SLC8A1: variants seen among roughly 807,000 people sequenced by gnomAD.
SLC8A1 encodes the protein sodium/calcium exchanger 1.
In SLC8A1, 18 loss-of-function variants were observed where a neutral mutation model predicts 68.3. That is an observed-to-expected ratio of 0.26 (90% CI 0.18 to 0.39). SLC8A1 has a LOEUF of 0.39. SLC8A1 is among the 10% of genes least tolerant of loss of function. SLC8A1 has a pLI of 1.00. For missense variants in SLC8A1, 985 were observed against 1,156.7 expected, an observed-to-expected ratio of 0.85 and a Z score of 2.15; for synonymous variants, 475 against 415.5, an observed-to-expected ratio of 1.14 and a Z score of -1.74.
At chr2:40,352,980 C>T (rs116446732) in intron 2 of SLC8A1, among the ~76,000 whole-genome samples, 10 of 152,196 alleles carry the variant, frequency 6.6e-5, no homozygotes, top group African/African-American at 1.4e-4. Flanking sequence ...CTCTCACTTA[C>T]GGAAGGTCCA....
intron 2 of SLC8A1, among the ~76,000 whole-genome samples, chr2:40,403,605 G>A (rs978183778): frequency 5.9e-5 from 9 of 152,162 alleles, no homozygotes; most frequent in Non-Finnish European, 1.2e-4. Context: ...AAATATTCCA[G>A]GCAGCCTTGT....
chr2:40,224,455 T>C (rs1483169900), intron 2 of SLC8A1, among the ~76,000 whole-genome samples: 1 of 152,088 alleles, frequency 6.6e-6, no homozygotes, highest in Admixed American at 6.6e-5. Flanking sequence ...AACACAGACG[T>C]CATAGCTGGA....
chr2:40,103,725 A>G (rs906727891), exon 8 of SLC8A1: 90 of 152,278 alleles, frequency 5.9e-4, no homozygotes, highest in African/African-American at 2.1e-3. Context: ...TCTACTGTAC[A>G]CTTCTTGAAA....
At chr2:40,329,019 C>T (rs2076135367) in intron 2 of SLC8A1, among the ~76,000 whole-genome samples, 2 of 151,386 alleles carry the variant, frequency 1.3e-5, no homozygotes, top group African/African-American at 4.9e-5. Flanking sequence ...ATGGTTTCAA[C>T]TCACACTACT....
At chr2:40,198,688 G>A (rs1244428996) in intron 2 of SLC8A1, among the ~76,000 whole-genome samples, 2 of 151,830 alleles carry the variant, frequency 1.3e-5, no homozygotes. Context: ...CAGTTGTTTG[G>A]AATGCATGGT....
At chr2:40,115,666 C>A (rs754873460) in intron 7 of SLC8A1, 37 bp from the exon 11 acceptor site, 2 of 1,577,064 alleles carry the variant, frequency 1.3e-6, no homozygotes, top group Admixed American at 1.7e-5. Flanking sequence ...GACACTCAAT[C>A]TTTTAGAGAT....
At chr2:40,354,245 A>G (rs1672014027) in intron 2 of SLC8A1, among the ~76,000 whole-genome samples, 1 of 152,186 alleles carries the variant, frequency 6.6e-6, no homozygotes, top group African/African-American at 2.4e-5. Flanking sequence ...ATGAAAGAGA[A>G]ATTGTTTCTT....
At chr2:40,141,851 C>A (rs147382786) in intron 6 of SLC8A1, among the ~76,000 whole-genome samples, 2 of 152,226 alleles carry the variant, frequency 1.3e-5, no homozygotes, top group African/African-American at 4.8e-5. Context: ...TTGGGATGCA[C>A]AGGGAGATAC....
chr2:40,487,032 G>A (rs1483345463), intron 1 of SLC8A1, among the ~76,000 whole-genome samples: 5 of 151,698 alleles, frequency 3.3e-5, no homozygotes, highest in East Asian at 1.9e-4. Flanking sequence ...CACACACCGG[G>A]GCTTAATATG....
chr2:40,295,084 G>C (rs1210555996), intron 2 of SLC8A1, among the ~76,000 whole-genome samples: 1 of 151,964 alleles, frequency 6.6e-6, no homozygotes, highest in Admixed American at 6.6e-5. Context: ...GGATTGAAAA[G>C]TTATTTAAGA....
exon 8 of SLC8A1, chr2:40,104,553 A>C (rs927982691): frequency 1.3e-5 from 2 of 152,212 alleles, no homozygotes. Flanking sequence ...CCCATTAAGC[A>C]ATCTCAAATT....
intron 2 of SLC8A1, among the ~76,000 whole-genome samples, chr2:40,316,573 C>T (rs1406859057): frequency 6.6e-6 from 1 of 151,990 alleles, no homozygotes; most frequent in Non-Finnish European, 1.5e-5. Context: ...CATGAGTTTT[C>T]ATAAAACAAC....
intron 2 of SLC8A1, among the ~76,000 whole-genome samples, chr2:40,281,079 T>A (rs115265575): frequency 6.6e-6 from 1 of 152,190 alleles, no homozygotes; most frequent in African/African-American, 2.4e-5. Flanking sequence ...TTTGATGGAA[T>A]GAGCCAATGA....
chr2:40,496,706 G>A (rs1705723520), intron 1 of SLC8A1, among the ~76,000 whole-genome samples: 1 of 151,904 alleles, frequency 6.6e-6, no homozygotes, highest in Non-Finnish European at 1.5e-5. Context: ...TAAATAGACT[G>A]CATATTTTGC....
chr2:40,230,691 T>G (rs1222173277), intron 2 of SLC8A1, among the ~76,000 whole-genome samples: 1 of 152,200 alleles, frequency 6.6e-6, no homozygotes, highest in African/African-American at 2.4e-5. Context: ...CATGTAAAAT[T>G]TAATGCAAAA....
At chr2:40,109,325 T>G (rs945568964) in exon 8 of SLC8A1, 1 of 152,164 alleles carries the variant, frequency 6.6e-6, no homozygotes, top group Admixed American at 6.6e-5. Flanking sequence ...GAAACCCTCA[T>G]GAGCATCAGG....
intron 2 of SLC8A1, among the ~76,000 whole-genome samples, chr2:40,284,191 C>G (rs2067918421): frequency 1.3e-5 from 2 of 151,620 alleles, no homozygotes; most frequent in Admixed American, 1.3e-4. Flanking sequence ...ATATAGCTAT[C>G]TATACCAATA....
intron 2 of SLC8A1, among the ~76,000 whole-genome samples, chr2:40,305,994 C>T (rs1482796196): frequency 6.6e-6 from 1 of 152,174 alleles, no homozygotes; most frequent in African/African-American, 2.4e-5. Context: ...ATCTTAAATG[C>T]ATGCTCCTAA....
At chr2:40,336,571 T>G (rs943089708) in intron 2 of SLC8A1, among the ~76,000 whole-genome samples, 3 of 152,178 alleles carry the variant, frequency 2.0e-5, no homozygotes, top group African/African-American at 7.2e-5. Context: ...AGGGAAGTTA[T>G]CTAAACTGAC....
Sources: gnomAD v4.1 joint callset for allele counts (sites outside exome capture counted in the v4.1 genomes callset) on GRCh38, gnomAD v4.1.1 for gene constraint, MANE v1.5 for transcripts, NCBI Gene and HGNC (gene_info 2026-07-23, HGNC 2026-07-21) for gene names.